Variants in CKMT1A observed in about 807,000 individuals in gnomAD.
The protein encoded by CKMT1A is creatine kinase U-type, mitochondrial.
A neutral mutation model predicts 21.8 loss-of-function variants in CKMT1A; 23 were observed. That is an observed-to-expected ratio of 1.05 (90% CI 0.76 to 1.49). The LOEUF (loss-of-function observed/expected upper bound fraction) is 1.49. Among genes scored for constraint, CKMT1A ranks in the 40% most tolerant of loss-of-function variants. The probability of loss-of-function intolerance (pLI) is 0.00; values close to 1 mark genes in which losing one functional copy is unlikely to be tolerated. For synonymous variants in CKMT1A, 67 were observed against 80.4 expected (o/e 0.83, Z 0.89); for missense variants, 154 against 229.4 (o/e 0.67, Z 2.12).
chr15:43,696,524 G>T (rs1177472746), intron 6 of CKMT1A, 161 bp downstream of exon 6: 15 of 1,135,890 alleles, frequency 1.3e-5, no homozygotes, highest in Non-Finnish European at 1.9e-5. Flanking sequence ...AACCAGCTGG[G>T]ACCATACTGG....
At chr15:43,698,234 C>A (rs1347909084) in intron 7 of CKMT1A, 86 bp downstream of exon 7, 1 of 1,596,654 alleles carries the variant, frequency 6.3e-7, no homozygotes, top group Non-Finnish European at 8.6e-7. Flanking sequence ...TGGAGAGGAG[C>A]CAAACATGTT....
chr15:43,696,392 G>C (rs368146351), intron 6 of CKMT1A, 29 bp downstream of exon 6: 4 of 1,610,990 alleles, frequency 2.5e-6, no homozygotes, highest in South Asian at 1.1e-5. Context: ...GGGGAGCTAG[G>C]TGGGAGGACA....
rs796162853 is a variant in CKMT1A, at chr15:43,698,982, G to C, written c.1147G>C (p.Val383Leu). The C allele has an allele frequency of 1.2e-6, 2 of 1,613,568 alleles. No homozygotes were observed. The highest frequency in any genetic ancestry group is 8.5e-7 in the Non-Finnish European group (1 of 1,179,898). ...GATTAGTGTCCTTCAGGTGGAGCTG[G>C]TGCAACTGGTCATCGATGGAGTAAA... is the stretch of plus-strand genomic sequence containing the variant. ...DRLGKSEVELVQLVIDGVNYL... is the reference protein window; with the variant it reads ...DRLGKSEVELLQLVIDGVNYL... Residue 383 changes from valine (V) to leucine (L), a missense_variant, in exon 9 of 9, where the codon GTG becomes CTG. Val to Leu is a conservative substitution (Grantham distance 32). Coordinates refer to ENST00000413453, the MANE Select transcript of CKMT1A (RefSeq NM_001321926.2).
chr15:43,696,463 G>C, intron 6 of CKMT1A, 100 bp downstream of exon 6: 1 of 1,578,534 alleles, frequency 6.3e-7, no homozygotes, highest in Non-Finnish European at 8.6e-7. Context: ...CCCAAGACAT[G>C]TCTGATGGTA....
chr15:43,698,091 T>C lies in CKMT1A; in HGVS notation c.954T>C (p.Ser318=). 6.2e-7 allele frequency: 1 copy of C among 1,613,064 alleles called. No individual in the cohort carries two copies. Among genetic ancestry groups the C allele is most frequent in the Non-Finnish European group, 8.5e-7 (1 of 1,179,238 alleles). ...ERLGYILTCP[S]NLGTGLRAGV... ...TGGGATACATCTTGACCTGTCCATC[T>C]AACCTGGGCACTGGACTTCGGGCAG... is the stretch of plus-strand genomic sequence containing the variant. Residue 318 remains serine, a synonymous_variant, in exon 7 of 9, where the codon TCT becomes TCC. Transcript: ENST00000413453.
At chr15:43,696,512 T>C in intron 6 of CKMT1A, 149 bp downstream of exon 6, 10 of 1,271,688 alleles carry the variant, frequency 7.9e-6, no homozygotes, top group Non-Finnish European at 1.1e-5. Context: ...ACTAAAGGTA[T>C]AAACCAGCTG....
At chr15:43,697,409 T>G in intron 6 of CKMT1A, 1 of 985,088 alleles carries the variant, frequency 1.0e-6, no homozygotes, top group African/African-American at 1.7e-5. Flanking sequence ...ATCATCACTC[T>G]GCTAGATCCC....
At chr15:43,698,949 A>C (rs553853360) in intron 8 of CKMT1A, 24 bp from the exon 9 acceptor site, 2 of 1,612,064 alleles carry the variant, frequency 1.2e-6, no homozygotes, top group South Asian at 2.2e-5. Context: ...TAGGAAGCAG[A>C]GATCAAAGAT....
chr15:43,695,707 A>T lies in CKMT1A; in HGVS notation c.464A>T (p.Asp155Val). Residue 155 changes from aspartate (D) to valine (V), a missense_variant, in exon 4 of 9, where the codon GAT (aspartate) becomes GTT (valine). Coordinates refer to ENST00000413453, the MANE Select transcript of CKMT1A (RefSeq NM_001321926.2). ...TCCCAGATCCGTTCTGGCTACTTTGATGAGAGGTATGTATTGTCCTCTAGA... is the reference window on the plus strand; with the variant it reads ...TCCCAGATCCGTTCTGGCTACTTTGTTGAGAGGTATGTATTGTCCTCTAGA... ...DASKIRSGYFDERYVLSSRVR... is the reference protein window; with the variant it reads ...DASKIRSGYFVERYVLSSRVR... 1 of 48,036 alleles carries T rather than the reference A, an allele frequency of 2.1e-5. No individual in the cohort carries two copies. Among genetic ancestry groups the T allele is most frequent in the Non-Finnish European group, 3.6e-5 (1 of 27,776 alleles). The allele number at this position is 48,036 out of a possible 1,614,324, so 3.0% of individuals were successfully genotyped here.
At position 43,697,762 on chromosome 15, in the gene CKMT1A, C is replaced by G. The variant is rs202208637; in HGVS notation, c.877-252C>G. On this transcript the variant is annotated intron_variant, in intron 6 of 8. Transcript: ENST00000413453. ...CCTAGATCATCCTTAATACACCACG[C>G]CTTCGAGTTTTCTTCTTCCACATAA... The G allele has an allele frequency of 4.1e-5, 40 of 984,876 alleles. No homozygotes were observed. In the East Asian group the frequency reaches 2.7e-3, roughly 67 times the overall value. 61.0% of individuals were successfully genotyped at this position (984,876 alleles called of 1,614,324 possible).
Position 43,699,130 on chromosome 15 carries a change from C to T in CKMT1A, c.*41C>T, listed in dbSNP as rs542522898. On this transcript the variant is annotated 3_prime_UTR_variant, in exon 9 of 9. Transcript: ENST00000413453. The stretch of plus-strand genomic sequence containing the variant: ...TGATGACTCAAGATTCCAAGGAGTT[C>T]TGCTCATTCTAATGATGGCCCATTC... The T allele has an allele frequency of 2.0e-5, 33 of 1,613,216 alleles. No individual in the cohort carries two copies. The highest frequency in any genetic ancestry group is 3.3e-4 in the Middle Eastern group (2 of 6,058).
intron 7 of CKMT1A, 48 bp from the exon 8 acceptor site, chr15:43,698,593 A>C (rs1322859352): frequency 6.3e-7 from 1 of 1,585,246 alleles, no homozygotes; most frequent in Middle Eastern, 1.8e-4. Context: ...AGGTAGGACT[A>C]GTCTCTGCCT....
At position 43,697,190 on chromosome 15, in the gene CKMT1A, A is replaced by G; in HGVS notation, c.877-824A>G. Reference sequence around the variant, plus strand: ...AAATTGGGATAATGAGATTTTCTACATTTTAGGTTGTTGTGGGGATTAAGT... The same window carrying G: ...AAATTGGGATAATGAGATTTTCTACGTTTTAGGTTGTTGTGGGGATTAAGT... On this transcript the variant is annotated intron_variant, in intron 6 of 8. Coordinates refer to ENST00000413453, the MANE Select transcript of CKMT1A (RefSeq NM_001321926.2). 2.5e-6 allele frequency: 3 copies of G among 1,217,708 alleles called. No individual in the cohort carries two copies. In the South Asian group the frequency reaches 4.1e-5, roughly 17 times the overall value. 75.4% of individuals were successfully genotyped at this position (1,217,708 alleles called of 1,614,324 possible). A position where few individuals can be genotyped will look rare whatever the true frequency, so the allele number is the denominator to read the frequency against.
chr15:43,696,320 A>G lies in CKMT1A; in HGVS notation c.833A>G (p.Asn278Ser), dbSNP rs781127866. Residue 278 changes from asparagine (N) to serine (S), a missense_variant, in exon 6 of 9, where the codon AAC becomes AGC. Coordinates refer to ENST00000413453, the MANE Select transcript of CKMT1A (RefSeq NM_001321926.2). ...GTGATCTCCATGGAGAAGGGTGGTA[A>G]CATGAAGAGAGTGTTTGAAAGATTC... ...TRVISMEKGG[N>S]MKRVFERFCR... The G allele has an allele frequency of 1.7e-5, 28 of 1,609,376 alleles. 1 individual carries two copies. The South Asian group carries it at 2.9e-4, about 16-fold the overall frequency.
At position 43,698,035 on chromosome 15, in the gene CKMT1A, C is replaced by T. The variant is rs1183328694; in HGVS notation, c.898C>T (p.Arg300Cys). 9.3e-6 allele frequency: 15 copies of T among 1,613,342 alleles called. No individual in the cohort carries two copies. The highest frequency in any genetic ancestry group is 1.3e-5 in the Non-Finnish European group (15 of 1,179,704). ...TCAGGTGGAGAGACTTATCCAAGAA[C>T]GTGGCTGGGAGTTCATGTGGAATGA... is the stretch of plus-strand genomic sequence containing the variant. ...LKEVERLIQERGWEFMWNERL... is the reference protein window; with the variant it reads ...LKEVERLIQECGWEFMWNERL... The change falls in exon 7 of 9, where the codon CGT becomes TGT. Residue 300 changes from arginine (R) to cysteine (C), a missense_variant. Coordinates refer to ENST00000413453, the MANE Select transcript of CKMT1A (RefSeq NM_001321926.2).
rs1198821550 is a variant in CKMT1A at position 43,696,503 on chromosome 15, C to A, written c.876+140C>A. 25 of 1,356,354 alleles carry A rather than the reference C, an allele frequency of 1.8e-5. 2 individuals are homozygous for A. The African/African-American group carries it at 3.3e-4, about 18-fold the overall frequency. 84.0% of individuals were successfully genotyped at this position (1,356,354 alleles called of 1,614,324 possible). A position where few individuals can be genotyped will look rare whatever the true frequency, so the allele number is the denominator to read the frequency against. ...GGACTACCTAGGACTCACTCTAGGA[C>A]TAAAGGTATAAACCAGCTGGGACCA... On this transcript the variant is annotated intron_variant, in intron 6 of 8. Coordinates refer to ENST00000413453, the MANE Select transcript of CKMT1A (RefSeq NM_001321926.2).
At chr15:43,697,603 T>G (rs144867935) in intron 6 of CKMT1A, 6 of 984,302 alleles carry the variant, frequency 6.1e-6, no homozygotes, top group Non-Finnish European at 7.2e-6. Context: ...TGGCAAAGCT[T>G]ACACCTTCAT....
At chr15:43,697,562 A>G (rs1480398249) in intron 6 of CKMT1A, 2 of 984,434 alleles carry the variant, frequency 2.0e-6, no homozygotes, top group East Asian at 1.1e-4. Flanking sequence ...TGCTCCGTTC[A>G]CAGCTAATAG....
At position 43,698,024 on chromosome 15, in the gene CKMT1A, T is replaced by A. The variant is rs1250657979; in HGVS notation, c.887T>A (p.Leu296His). 6.2e-7 allele frequency: 1 copy of A among 1,613,438 alleles called. No homozygotes were observed. The highest frequency in any genetic ancestry group is 1.3e-5 in the African/African-American group (1 of 74,934). The stretch of plus-strand genomic sequence containing the variant: ...ACTTTGTGGACTCAGGTGGAGAGAC[T>A]TATCCAAGAACGTGGCTGGGAGTTC... ...FCRGLKEVERLIQERGWEFMW... is the reference protein window; with the variant it reads ...FCRGLKEVERHIQERGWEFMW... Residue 296 changes from leucine (L) to histidine (H), a missense_variant, in exon 7 of 9, where the codon CTT becomes CAT. Coordinates refer to ENST00000413453, the MANE Select transcript of CKMT1A (RefSeq NM_001321926.2).
Sources: allele counts gnomAD v4.1 joint callset, GRCh38; gene constraint gnomAD v4.1.1; transcripts MANE v1.5; gene names NCBI Gene and HGNC (gene_info 2026-07-23, HGNC 2026-07-21).